CSNK1G2: variants seen among roughly 807,000 people sequenced by gnomAD.
CSNK1G2 encodes casein kinase I isoform gamma-2.
In CSNK1G2, 11 loss-of-function variants were observed where a neutral mutation model predicts 48.0. The ratio of observed to expected loss-of-function variants is 0.23; its 90% CI spans 0.14 to 0.38. CSNK1G2 has a LOEUF of 0.38. Ranked by LOEUF, CSNK1G2 falls within the 10% of genes least tolerant of loss-of-function variation. The probability of loss-of-function intolerance (pLI) is 1.00; values close to 1 mark genes in which losing one functional copy is unlikely to be tolerated. For missense variants in CSNK1G2, 446 were observed against 595.5 expected (o/e 0.75, Z 2.61); for synonymous variants, 337 against 254.1 (o/e 1.33, Z -3.10).
chr19:1,970,922 C>T (rs756583795), intron 2 of CSNK1G2, among the ~76,000 whole-genome samples: 40 of 152,138 alleles, frequency 2.6e-4, no homozygotes, highest in Non-Finnish European at 4.3e-4. Flanking sequence ...GCACTCAGCC[C>T]GATGAGGTTG....
At chr19:1,971,756 G>C (rs1391997081) in intron 2 of CSNK1G2, among the ~76,000 whole-genome samples, 2 of 150,576 alleles carry the variant, frequency 1.3e-5, no homozygotes, top group Admixed American at 1.3e-4. Context: ...AGTGACGTGG[G>C]TGATGCCAGC....
chr19:1,946,978 T>C (rs866892007), intron 1 of CSNK1G2, among the ~76,000 whole-genome samples: 1 of 152,104 alleles, frequency 6.6e-6, no homozygotes, highest in Non-Finnish European at 1.5e-5. Flanking sequence ...GGTCTTGAAC[T>C]CCTGACCTCA....
chr19:1,961,212 CAGG>C (rs1376202658), intron 1 of CSNK1G2, among the ~76,000 whole-genome samples: 2 of 152,244 alleles, frequency 1.3e-5, no homozygotes, highest in Admixed American at 6.5e-5. Flanking sequence ...TTCTCGCTGT[CAGG>C]GGGCTGTTCC....
rs1384743206 is a variant in CSNK1G2, at chr19:1,941,217, G to GGAGCGCGGC, written c.-462_-454dup. The GGAGCGCGGC allele has an allele frequency of 1.4e-5, 2 of 146,178 alleles. No individual in the cohort carries two copies. The highest frequency in any genetic ancestry group is 3.0e-5 in the Non-Finnish European group (2 of 65,752). 9.1% of individuals were successfully genotyped at this position (146,178 alleles called of 1,614,324 possible). On this transcript the variant is annotated 5_prime_UTR_variant, in exon 1 of 12. Transcript: ENST00000255641. ...GCGCGGGCCCCGGAGCGGGCGCGGC[G>GGAGCGCGGC]GAGCGCGGCGAGCCCGGCGCCTCCC...
rs1417941690 is a variant in CSNK1G2, at chr19:1,941,307, G to C, written c.-377G>C. ...CCGGAGCGGGGGCCCAAGCGGCACC[G>C]GAGCCGGAGCGCGAGGGGGCGCGGG... On this transcript the variant is annotated 5_prime_UTR_variant, in exon 1 of 12. Coordinates refer to ENST00000255641, the MANE Select transcript of CSNK1G2 (RefSeq NM_001319.7). 6.9e-6 allele frequency: 1 copy of C among 145,964 alleles called. No homozygotes were observed. Among genetic ancestry groups the C allele is most frequent in the South Asian group, 2.1e-4 (1 of 4,852 alleles). The allele number at this position is 145,964 out of a possible 1,614,324, so 9.0% of individuals were successfully genotyped here.
chr19:1,965,210 C>T (rs771073651), intron 1 of CSNK1G2, among the ~76,000 whole-genome samples: 4 of 149,596 alleles, frequency 2.7e-5, no homozygotes, highest in Non-Finnish European at 4.5e-5. Context: ...AGTGAAACCG[C>T]GTCTCTACTA....
rs560184530 is a variant in CSNK1G2, at chr19:1,969,088, C to T, written c.-265-420C>T. On this transcript the variant is annotated intron_variant, in intron 1 of 11. Transcript: ENST00000255641. The stretch of plus-strand genomic sequence containing the variant: ...TCCCTCCCTCTTTCCCAGAGCGGCC[C>T]TGGGCCTGGATACGGGGACTGTTGT... Among the ~76,000 whole-genome samples, 8 of 152,332 alleles carry T rather than the reference C, an allele frequency of 5.3e-5. No individual in the cohort carries two copies. The East Asian group carries it at 1.5e-3, about 29-fold the overall frequency.
At chr19:1,972,114 C>G (rs2015594602) in intron 2 of CSNK1G2, among the ~76,000 whole-genome samples, 1 of 152,198 alleles carries the variant, frequency 6.6e-6, no homozygotes, top group Admixed American at 6.5e-5. Flanking sequence ...CTCTCTTCAG[C>G]CTGGCATTTT....
At chr19:1,956,963 CA>C in intron 1 of CSNK1G2, among the ~76,000 whole-genome samples, 1 of 152,312 alleles carries the variant, frequency 6.6e-6, no homozygotes, top group Middle Eastern at 3.4e-3. Flanking sequence ...CTGACCAAGC[CA>C]ATGGCTCACC....
intron 2 of CSNK1G2, chr19:1,975,750 A>G (rs1306168021): frequency 2.0e-6 from 2 of 984,884 alleles, no homozygotes; most frequent in Non-Finnish European, 2.4e-6. Flanking sequence ...AAACTTCGAA[A>G]TCTGACCAGG....
chr19:1,954,300 C>CGG (rs1305324727), intron 1 of CSNK1G2: 2 of 230,160 alleles, frequency 8.7e-6, no homozygotes, highest in Middle Eastern at 1.2e-3. Flanking sequence ...CCCTGGTGTT[C>CGG]GGGGGCTCTT....
intron 1 of CSNK1G2, among the ~76,000 whole-genome samples, chr19:1,946,905 C>G (rs912340435): frequency 2.6e-5 from 4 of 151,920 alleles, no homozygotes; most frequent in African/African-American, 9.7e-5. Context: ...GCCACTGTGC[C>G]CGGCCTATTC....
chr19:1,980,687 C>T lies in CSNK1G2; in HGVS notation c.*484C>T. ...GGAGGGGTGCTGTGGAGCTGTCTTG[C>T]CCAGGCCCTCCTGGGAGGGGGACAG... On this transcript the variant is annotated 3_prime_UTR_variant, in exon 12 of 12. Transcript: ENST00000255641. The T allele has an allele frequency of 5.8e-6, 1 of 172,414 alleles. No homozygotes were observed. The highest frequency in any genetic ancestry group is 1.2e-5 in the Non-Finnish European group (1 of 80,020). The allele number at this position is 172,414 out of a possible 1,614,324, so 10.7% of individuals were successfully genotyped here. A position where few individuals can be genotyped will look rare whatever the true frequency, so the allele number is the denominator to read the frequency against.
At position 1,980,244 on chromosome 19, in the gene CSNK1G2, C is replaced by A. The variant is rs377743517; in HGVS notation, c.*41C>A. ...GCCCCCTGAATCTTCTCCGTGCAGCCCCTTGGGGCGCGACCTTGTGCGAGG... is the reference window on the plus strand; with the variant it reads ...GCCCCCTGAATCTTCTCCGTGCAGCACCTTGGGGCGCGACCTTGTGCGAGG... On this transcript the variant is annotated 3_prime_UTR_variant, in exon 12 of 12. Coordinates refer to ENST00000255641, the MANE Select transcript of CSNK1G2 (RefSeq NM_001319.7). The A allele has an allele frequency of 6.2e-7, 1 of 1,610,644 alleles. No homozygotes were observed. The highest frequency in any genetic ancestry group is 8.5e-7 in the Non-Finnish European group (1 of 1,178,272).
intron 1 of CSNK1G2, among the ~76,000 whole-genome samples, chr19:1,948,236 G>C (rs765544774): frequency 6.6e-5 from 10 of 152,126 alleles, no homozygotes; most frequent in African/African-American, 1.2e-4. Flanking sequence ...TAAAATTAAC[G>C]ATCCCGGCCG....
At chr19:1,972,040 A>G (rs560398812) in intron 2 of CSNK1G2, among the ~76,000 whole-genome samples, 1 of 152,276 alleles carries the variant, frequency 6.6e-6, no homozygotes, top group African/African-American at 2.4e-5. Flanking sequence ...AAGTGCTGGG[A>G]TTACAGGCGT....
At chr19:1,944,559 G>T (rs973154650) in intron 1 of CSNK1G2, among the ~76,000 whole-genome samples, 1 of 152,176 alleles carries the variant, frequency 6.6e-6, no homozygotes, top group Non-Finnish European at 1.5e-5. Context: ...GTGGCCCTGC[G>T]GCCAGGGGAC....
At chr19:1,952,977 G>A (rs1355022037) in intron 1 of CSNK1G2, 1 of 438,360 alleles carries the variant, frequency 2.3e-6, no homozygotes, top group Non-Finnish European at 4.4e-6. Flanking sequence ...GAGGGGAAAA[G>A]GCACTCCAGT....
chr19:1,970,520 G>A (rs939207753), intron 2 of CSNK1G2, among the ~76,000 whole-genome samples: 20 of 152,224 alleles, frequency 1.3e-4, no homozygotes, highest in Admixed American at 1.2e-3. Flanking sequence ...CCGGGCAGGC[G>A]TGAGGAGCAG....
Sources: gnomAD v4.1 joint callset for allele counts (sites outside exome capture counted in the v4.1 genomes callset) on GRCh38, gnomAD v4.1.1 for gene constraint, MANE v1.5 for transcripts, NCBI Gene and HGNC (gene_info 2026-07-23, HGNC 2026-07-21) for gene names.